NAA16: variants seen among roughly 807,000 people sequenced by gnomAD.
The protein encoded by NAA16 is NARG1-like protein.
Under a neutral mutation model 110.3 loss-of-function variants are expected in NAA16, and 97 were observed. The ratio of observed to expected loss-of-function variants is 0.88; its 90% CI spans 0.75 to 1.04. NAA16 has a LOEUF of 1.04. Among genes scored for constraint, NAA16 ranks in the 50% least tolerant of loss-of-function variants. The probability of loss-of-function intolerance (pLI) is 0.00; values close to 1 mark genes in which losing one functional copy is unlikely to be tolerated. For synonymous variants in NAA16, 372 were observed against 330.6 expected, an observed-to-expected ratio of 1.13 and a Z score of -1.36; for missense variants, 1,017 against 1,005.1, an observed-to-expected ratio of 1.01 and a Z score of -0.16.
intron 10 of NAA16, 95 bp downstream of exon 10, chr13:41,355,311 A>C (rs2042952951): frequency 4.5e-6 from 3 of 673,802 alleles, no homozygotes; most frequent in Non-Finnish European, 2.5e-6. Context: ...GTGCTACCTA[A>C]TGGCTACTTA....
At chr13:41,338,901 A>G (rs1308293095) in intron 9 of NAA16, among the ~76,000 whole-genome samples, 1 of 152,164 alleles carries the variant, frequency 6.6e-6, no homozygotes, top group Non-Finnish European at 1.5e-5. Context: ...GCCATTTTAA[A>G]AACTGCACAT....
In NAA16 at chr13:41,330,387, T is replaced by C. The variant is rs188814207; in HGVS notation, c.812-887T>C. 1.1e-4 allele frequency among the ~76,000 whole-genome samples: 16 copies of C among 152,134 alleles called. No homozygotes were observed. In the East Asian group the frequency reaches 3.1e-3, roughly 29 times the overall value. ...TTATAAACTACATTTACTACAGAGA[T>C]ACCTTGTCTGCTAGCACCCAGGGTT... On this transcript the variant is annotated intron_variant, in intron 7 of 19. Transcript: ENST00000379406.
At chr13:41,351,067 C>A (rs759912126) in intron 9 of NAA16, among the ~76,000 whole-genome samples, 1 of 152,166 alleles carries the variant, frequency 6.6e-6, no homozygotes, top group African/African-American at 2.4e-5. Context: ...GAGTCAACAT[C>A]CAGGTTTGCC....
rs2041823159 is a variant in NAA16 at position 41,316,832 on chromosome 13, A to G, written c.55-14A>G. 2 of 1,577,246 alleles carry G rather than the reference A, an allele frequency of 1.3e-6. No individual in the cohort carries two copies. Among genetic ancestry groups the G allele is most frequent in the East Asian group, 4.5e-5 (2 of 44,626 alleles). ...TCATTTGATAAAATAACTTTTGTTC[A>G]TATTTCTTTACAGAAATGTTATGAA... On this transcript the variant is annotated splice_polypyrimidine_tract_variant and intron_variant, in intron 1 of 19. Transcript: ENST00000379406.
chr13:41,334,424 A>G (rs1448913355), intron 8 of NAA16, among the ~76,000 whole-genome samples: 1 of 152,190 alleles, frequency 6.6e-6, no homozygotes, highest in African/African-American at 2.4e-5. Context: ...AACATAGAAT[A>G]CTAATTATAT....
At chr13:41,324,269 A>G (rs9566743) in intron 5 of NAA16, among the ~76,000 whole-genome samples, 13,313 of 151,702 alleles carry the variant, frequency 0.088, 751 homozygotes, top group East Asian at 0.23. Context: ...ATAGTACTGT[A>G]TCACATTTGG....
rs1472585022 is a variant in NAA16, at chr13:41,369,199, G to C, written c.1863G>C (p.Gln621His). The change falls in exon 15 of 20, where the codon CAG becomes CAC. Residue 621 changes from glutamine (Q) to histidine (H), a missense_variant. By Grantham distance (24) the Gln-to-His change is conservative. Coordinates refer to ENST00000379406, the MANE Select transcript of NAA16 (RefSeq NM_024561.5). Reference protein sequence around the residue: ...ERKHAERERQQKNQKKKRDEE... With the variant: ...ERKHAERERQHKNQKKKRDEE... Reference sequence around the variant, plus strand: ...AGCATGCAGAAAGAGAACGTCAACAGAAAAATCAAAAGAAAAAAAGAGATG... The same window carrying C: ...AGCATGCAGAAAGAGAACGTCAACACAAAAATCAAAAGAAAAAAAGAGATG... 6.3e-7 allele frequency: 1 copy of C among 1,597,076 alleles called. No homozygotes were observed. The highest frequency in any genetic ancestry group is 1.1e-5 in the South Asian group (1 of 86,974).
chr13:41,371,464 C>T (rs933821656), intron 15 of NAA16, among the ~76,000 whole-genome samples: 2 of 152,144 alleles, frequency 1.3e-5, no homozygotes, highest in Non-Finnish European at 1.5e-5. Flanking sequence ...CTCCTTCACC[C>T]CTGCCATCCT....
intron 15 of NAA16, 48 bp from the exon 16 acceptor site, chr13:41,372,155 A>G: frequency 7.2e-7 from 1 of 1,384,712 alleles, no homozygotes; most frequent in Non-Finnish European, 9.8e-7. Context: ...GGGAAATTTG[A>G]CTTGTTCTGA....
chr13:41,317,387 C>A (rs540424695), intron 2 of NAA16, among the ~76,000 whole-genome samples: 1 of 151,960 alleles, frequency 6.6e-6, no homozygotes, highest in South Asian at 2.1e-4. Flanking sequence ...TACTAATTTA[C>A]CATTAGATTG....
At position 41,373,503 on chromosome 13, in the gene NAA16, C is replaced by T. The variant is rs564764986; in HGVS notation, c.2156-134C>T. The stretch of plus-strand genomic sequence containing the variant: ...AAACTCCTGACCTCAAGTGATCTGC[C>T]TGCCTCAGCCTCCCAAAGTGCTGGG... On this transcript the variant is annotated intron_variant, in intron 17 of 19. Transcript: ENST00000379406. 8 of 1,042,366 alleles carry T rather than the reference C, an allele frequency of 7.7e-6. No homozygotes were observed. In the Admixed American group the frequency reaches 2.8e-4, roughly 37 times the overall value. 64.6% of individuals were successfully genotyped at this position (1,042,366 alleles called of 1,614,324 possible).
chr13:41,374,601 C>T (rs1470171121), intron 18 of NAA16, 141 bp from the exon 19 acceptor site: 2 of 560,274 alleles, frequency 3.6e-6, no homozygotes, highest in Admixed American at 3.4e-5. Context: ...TCACACTTGG[C>T]TCTCTTGAGC....
At chr13:41,334,901 A>T (rs1171213112) in intron 8 of NAA16, among the ~76,000 whole-genome samples, 1 of 16,408 alleles carries the variant, frequency 6.1e-5, no homozygotes, top group Non-Finnish European at 9.8e-5. Flanking sequence ...GATTTGTTTA[A>T]GGTCACCCCC....
intron 11 of NAA16, 46 bp downstream of exon 11, chr13:41,358,519 C>G (rs1566290579): frequency 6.2e-7 from 1 of 1,602,934 alleles, no homozygotes; most frequent in South Asian, 1.1e-5. Context: ...AATTCAGCTA[C>G]TTTAAGAATC....
At chr13:41,342,703 A>T (rs572383164) in intron 9 of NAA16, among the ~76,000 whole-genome samples, 3 of 152,334 alleles carry the variant, frequency 2.0e-5, no homozygotes, top group African/African-American at 7.2e-5. Flanking sequence ...ATGCCAACAA[A>T]TTATTTCTGT....
chr13:41,361,066 A>G (rs2043102648), intron 12 of NAA16, among the ~76,000 whole-genome samples: 1 of 152,222 alleles, frequency 6.6e-6, no homozygotes, highest in East Asian at 1.9e-4. Context: ...ATATAAGTGT[A>G]TCTTTGCATC....
chr13:41,362,617 C>T (rs1350412359), intron 13 of NAA16: 2 of 927,436 alleles, frequency 2.2e-6, no homozygotes, highest in Non-Finnish European at 3.0e-6. Context: ...GGCCAGTTTG[C>T]AGGCTTATTT....
At chr13:41,361,884 A>G (rs2043118862) in intron 12 of NAA16, 147 bp from the exon 13 acceptor site, 6 of 853,718 alleles carry the variant, frequency 7.0e-6, no homozygotes, top group Non-Finnish European at 8.6e-6. Flanking sequence ...CTATTGTAGT[A>G]TAAAACCATG....
chr13:41,340,660 T>G (rs1245556456), intron 9 of NAA16, among the ~76,000 whole-genome samples: 14 of 3,040 alleles, frequency 4.6e-3, no homozygotes, highest in Admixed American at 6.5e-3. Flanking sequence ...TTTTTTTTTT[T>G]TTTTTTTTTT....
Sources: gnomAD v4.1 joint callset for allele counts (sites outside exome capture counted in the v4.1 genomes callset) on GRCh38, gnomAD v4.1.1 for gene constraint, MANE v1.5 for transcripts, NCBI Gene and HGNC (gene_info 2026-07-23, HGNC 2026-07-21) for gene names.